Variants in IQCH observed in about 807,000 individuals in gnomAD.
The protein encoded by IQCH is IQ motif containing H, also known as IQ domain-containing protein H.
Under a neutral mutation model 117.0 loss-of-function variants are expected in IQCH, and 98 were observed. The ratio of observed to expected loss-of-function variants is 0.84; its 90% CI spans 0.71 to 0.99. The LOEUF is 0.99. IQCH is among the 50% of genes least tolerant of loss of function. The pLI, the probability that IQCH is intolerant of heterozygous loss-of-function variation, is 0.00. For missense variants in IQCH, 1,102 were observed against 1,243.8 expected (o/e 0.89, Z 1.72); for synonymous variants, 412 against 448.2 (o/e 0.92, Z 1.02).
chr15:67,477,044 C>CTTTTTTTTTTTTTTTTTT (rs71455553), intron 18 of IQCH, among the ~76,000 whole-genome samples: 16 of 71,138 alleles, frequency 2.2e-4, no homozygotes, highest in East Asian at 4.4e-4. Context: ...TCTTTTTCTT[C>CTTTTTTTTTTTTTTTTTT]TTTTTTTTTT....
chr15:67,442,850 AGATAGATAGATAG>A (rs1464411509), intron 16 of IQCH, among the ~76,000 whole-genome samples: 1 of 144,582 alleles, frequency 6.9e-6, no homozygotes, highest in African/African-American at 2.6e-5. Flanking sequence ...ATAGATAGAT[AGATAGATAGATAG>A]ATATACATAT....
intron 16 of IQCH, among the ~76,000 whole-genome samples, chr15:67,429,578 A>G (rs1488379606): frequency 6.6e-6 from 1 of 152,258 alleles, no homozygotes; most frequent in Non-Finnish European, 1.5e-5. Context: ...ATGAATAACG[A>G]TAACAAAAAT....
intron 3 of IQCH, among the ~76,000 whole-genome samples, chr15:67,272,932 TA>T (rs1223424191): frequency 1.3e-5 from 2 of 152,222 alleles, no homozygotes; most frequent in Non-Finnish European, 2.9e-5. Context: ...TATTGCTGAG[TA>T]AAGACTTACC....
At chr15:67,372,996 C>A (rs944763082) in intron 9 of IQCH, among the ~76,000 whole-genome samples, 5 of 152,070 alleles carry the variant, frequency 3.3e-5, no homozygotes, top group Middle Eastern at 3.2e-3. Context: ...CCTATATATA[C>A]CTTCTGGCAC....
At chr15:67,397,826 G>C (rs970043394) in intron 13 of IQCH, among the ~76,000 whole-genome samples, 1 of 152,084 alleles carries the variant, frequency 6.6e-6, no homozygotes, top group African/African-American at 2.4e-5. Flanking sequence ...ATTTTGTTTA[G>C]GATTAATTTG....
chr15:67,312,957 G>A (rs900991590), intron 4 of IQCH, among the ~76,000 whole-genome samples: 12 of 152,072 alleles, frequency 7.9e-5, no homozygotes, highest in Admixed American at 7.2e-4. Flanking sequence ...TGGTAGAATA[G>A]AAGTAAGTAC....
Position 67,411,438 on chromosome 15 carries a change from C to T in IQCH, c.2098-5493C>T, listed in dbSNP as rs1477387232. On this transcript the variant is annotated intron_variant, in intron 14 of 20. Transcript: ENST00000335894. The surrounding 1 kb of genome is among the most constrained non-coding windows in gnomAD (Gnocchi z 4.4). ...CTTACTTTTTCAGGTCATTGTCTTGCCCTTTTCACTCTCCAGTCCTTCATG... is the reference window on the plus strand; with the variant it reads ...CTTACTTTTTCAGGTCATTGTCTTGTCCTTTTCACTCTCCAGTCCTTCATG... Among the ~76,000 whole-genome samples the T allele has an allele frequency of 2.0e-5, 3 of 152,188 alleles. No homozygotes were observed. Among genetic ancestry groups the T allele is most frequent in the African/African-American group, 7.2e-5 (3 of 41,440 alleles).
intron 4 of IQCH, chr15:67,306,820 TTC>T: frequency 6.5e-7 from 1 of 1,529,474 alleles, no homozygotes; most frequent in Non-Finnish European, 8.8e-7. Flanking sequence ...CTAACATTTT[TTC>T]TAGTAGGTCC....
intron 10 of IQCH, among the ~76,000 whole-genome samples, chr15:67,383,612 C>G (rs1219515493): frequency 6.6e-6 from 1 of 152,108 alleles, no homozygotes; most frequent in Non-Finnish European, 1.5e-5. Context: ...TCTTTCTAAA[C>G]ATTTATTTGA....
In IQCH at chr15:67,344,129, C is replaced by A; in HGVS notation, c.575C>A (p.Pro192His). 1 of 1,613,492 alleles carries A rather than the reference C, an allele frequency of 6.2e-7. No homozygotes were observed. The highest frequency in any genetic ancestry group is 8.5e-7 in the Non-Finnish European group (1 of 1,179,528). The change falls in exon 6 of 21, where the codon CCC becomes CAC. Residue 192 changes from proline (P) to histidine (H), a missense_variant. By Grantham distance (77) the Pro-to-His change is moderately conservative (BLOSUM62 -2). Coordinates refer to ENST00000335894, the MANE Select transcript of IQCH (RefSeq NM_001031715.3). Reference sequence around the variant, plus strand: ...GCAAGGATTACCTTTCAGAATCCACCCATTACACCCAGAGCAGCTCCTCTG... The same window carrying A: ...GCAAGGATTACCTTTCAGAATCCACACATTACACCCAGAGCAGCTCCTCTG... ...PTARITFQNPPITPRAAPLHS... is the reference protein window; with the variant it reads ...PTARITFQNPHITPRAAPLHS...
rs1215660576 is a variant in IQCH at position 67,369,215 on chromosome 15, G to A, written c.754-2896G>A. On this transcript the variant is annotated intron_variant, in intron 8 of 20. Coordinates refer to ENST00000335894, the MANE Select transcript of IQCH (RefSeq NM_001031715.3). The surrounding 1 kb of genome is among the most constrained non-coding windows in gnomAD (Gnocchi z 5.2). ...AAACTCTCAAAGTTATCTAATTAGC[G>A]ATTACACTTTGCAAACAAAGAACAT... Among the ~76,000 whole-genome samples the A allele has an allele frequency of 3.3e-5, 5 of 152,126 alleles. No individual in the cohort carries two copies. The highest frequency in any genetic ancestry group is 7.2e-5 in the African/African-American group (3 of 41,410).
intron 18 of IQCH, among the ~76,000 whole-genome samples, chr15:67,480,798 T>C (rs913570182): frequency 2.0e-4 from 31 of 152,266 alleles, no homozygotes; most frequent in African/African-American, 7.5e-4. Context: ...AGGCAAATAA[T>C]ATACCTAATG....
intron 6 of IQCH, among the ~76,000 whole-genome samples, chr15:67,349,606 C>CAAAAA (rs35892110): frequency 8.4e-6 from 1 of 119,116 alleles, no homozygotes; most frequent in African/African-American, 3.2e-5. Flanking sequence ...GACTCCATCT[C>CAAAAA]AAAAAAAAAA....
At chr15:67,264,578 C>T (rs552554793) in intron 3 of IQCH, among the ~76,000 whole-genome samples, 6 of 152,024 alleles carry the variant, frequency 3.9e-5, no homozygotes, top group Non-Finnish European at 8.8e-5. Flanking sequence ...AGCTGGTGAC[C>T]CAAAAGAGAT....
chr15:67,460,842 C>T (rs1404447909), intron 16 of IQCH, among the ~76,000 whole-genome samples: 1 of 152,172 alleles, frequency 6.6e-6, no homozygotes, highest in Non-Finnish European at 1.5e-5. Flanking sequence ...CAGCCCTAAC[C>T]TTCAGTGATA....
chr15:67,332,830 G>A (rs568830050), intron 4 of IQCH, among the ~76,000 whole-genome samples: 1 of 152,212 alleles, frequency 6.6e-6, no homozygotes, highest in South Asian at 2.1e-4. Context: ...TCTAGAGCAG[G>A]GGTACACAAA....
chr15:67,261,348 TTCAGAGTCTTGAAACAGCAA>T lies in IQCH; in HGVS notation c.132_151del (p.Ser45LysfsTer3). The T allele has an allele frequency of 4.4e-6, 7 of 1,592,238 alleles. No individual in the cohort carries two copies. The highest frequency in any genetic ancestry group is 6.0e-6 in the Non-Finnish European group (7 of 1,173,306). ...GAGGAAAAAGGAGAGACTCTAGACA[TTCAGAGTCTTGAAACAGCAA>T]TCAAAAGGACTGAAGTGGGGTTAAG... On this transcript the variant is annotated frameshift_variant, in exon 2 of 21. Transcript: ENST00000335894. LOFTEE classifies it high-confidence loss of function.
chr15:67,336,878 A>T, intron 4 of IQCH, 97 bp from the exon 5 acceptor site: 1 of 1,199,244 alleles, frequency 8.3e-7, no homozygotes, highest in Non-Finnish European at 1.2e-6. Flanking sequence ...ATTAAAACTT[A>T]ATGCAACTAT....
chr15:67,329,350 C>G (rs1418119969), intron 4 of IQCH, among the ~76,000 whole-genome samples: 2 of 151,488 alleles, frequency 1.3e-5, no homozygotes, highest in African/African-American at 4.9e-5. Context: ...TGGAAAAAAA[C>G]CCATTCCTGG....
Sources: allele counts gnomAD v4.1 joint callset (sites outside exome capture counted in the v4.1 genomes callset), GRCh38; gene constraint gnomAD v4.1.1; non-coding constraint Gnocchi (gnomAD v3.1); transcripts MANE v1.5; gene names NCBI Gene and HGNC (gene_info 2026-07-23, HGNC 2026-07-21).